The following EIF3F variants were observed in gnomAD, a reference collection of about 807,000 sequenced individuals.
EIF3F encodes the protein eukaryotic translation initiation factor 3 subunit F.
Under a neutral mutation model 36.0 loss-of-function variants are expected in EIF3F, and 8 were observed. The ratio of observed to expected loss-of-function variants is 0.22; its 90% CI spans 0.13 to 0.40. The LOEUF (loss-of-function observed/expected upper bound fraction) is 0.40. EIF3F is among the 10% of genes least tolerant of loss of function. The probability of loss-of-function intolerance (pLI) is 1.00; values close to 1 mark genes in which losing one functional copy is unlikely to be tolerated. For synonymous variants in EIF3F, 184 were observed against 188.5 expected (o/e 0.98, Z 0.19); for missense variants, 430 against 467.6 (o/e 0.92, Z 0.74).
At position 7,992,183 on chromosome 11, in the gene EIF3F, G is replaced by A. The variant is rs377659463; in HGVS notation, c.515+20G>A. On this transcript the variant is annotated intron_variant, in intron 3 of 7. Transcript: ENST00000651655. ...GGGCTGGTAAGTTGGGGAGGTGGGGGCTGGGGTTAATGGAAGGTCTCTTCG... is the reference window on the plus strand; with the variant it reads ...GGGCTGGTAAGTTGGGGAGGTGGGGACTGGGGTTAATGGAAGGTCTCTTCG... The A allele has an allele frequency of 1.9e-6, 3 of 1,599,488 alleles. No individual in the cohort carries two copies. The highest frequency in any genetic ancestry group is 2.6e-6 in the Non-Finnish European group (3 of 1,172,176).
At chr11:7,987,755 C>T (rs1193444945) in intron 1 of EIF3F, 39 bp downstream of exon 1, 1 of 1,456,828 alleles carries the variant, frequency 6.9e-7, no homozygotes, top group South Asian at 1.5e-5. Flanking sequence ...TTTCTTCCTC[C>T]CACTTCTCAT....
Position 8,000,847 on chromosome 11 carries a change from G to A in EIF3F, c.*4825G>A, listed in dbSNP as rs572330544. On this transcript the variant is annotated 3_prime_UTR_variant, in exon 8 of 8. Transcript: ENST00000651655. ...CCATAAATATGAGGGAAAAAACACA[G>A]CAATGTGTTTTTAATGATTTATGAG... 1 of 152,192 alleles carries A rather than the reference G, an allele frequency of 6.6e-6. No homozygotes were observed. Among genetic ancestry groups the A allele is most frequent in the Admixed American group, 6.5e-5 (1 of 15,284 alleles). 9.4% of individuals were successfully genotyped at this position (152,192 alleles called of 1,614,324 possible).
Position 8,000,710 on chromosome 11 carries a change from T to C in EIF3F, c.*4688T>C, listed in dbSNP as rs2133678827. 6.6e-6 allele frequency: 1 copy of C among 152,274 alleles called. No individual in the cohort carries two copies. The highest frequency in any genetic ancestry group is 3.4e-3 in the Middle Eastern group (1 of 294). The allele number at this position is 152,274 out of a possible 1,614,324, so 9.4% of individuals were successfully genotyped here. A position where few individuals can be genotyped will look rare whatever the true frequency, so the allele number is the denominator to read the frequency against. ...AGTTGTGTTTTCAAGCAAGTAAAGA[T>C]AGATTACTTAAGAGCGAATGAGTGG... is the stretch of plus-strand genomic sequence containing the variant. On this transcript the variant is annotated 3_prime_UTR_variant, in exon 8 of 8. Coordinates refer to ENST00000651655, the MANE Select transcript of EIF3F (RefSeq NM_003754.3).
intron 1 of EIF3F, among the ~76,000 whole-genome samples, chr11:7,991,473 A>C (rs1942094582): frequency 6.6e-6 from 1 of 152,112 alleles, no homozygotes; most frequent in African/African-American, 2.4e-5. Flanking sequence ...TAGAGGCTGA[A>C]AAAAAAGGCC....
chr11:7,995,865 A>G (rs1037492874), intron 7 of EIF3F, 80 bp from the exon 8 acceptor site: 4 of 1,115,258 alleles, frequency 3.6e-6, no homozygotes, highest in African/African-American at 1.5e-5. Flanking sequence ...CCCAGTGTCT[A>G]CCATAGAGCT....
intron 1 of EIF3F, among the ~76,000 whole-genome samples, chr11:7,989,494 C>G (rs561480576): frequency 5.4e-4 from 82 of 152,114 alleles, no homozygotes; most frequent in Non-Finnish European, 1.1e-3. Flanking sequence ...AACTTATTTC[C>G]TTAGATATAC....
chr11:7,992,849 A>G (rs1942113230), intron 3 of EIF3F, 38 bp from the exon 4 acceptor site: 1 of 1,613,042 alleles, frequency 6.2e-7, no homozygotes, highest in Non-Finnish European at 8.5e-7. Flanking sequence ...TTGACGCCAC[A>G]TATAGACAGG....
rs1466159715 is a variant in EIF3F at position 7,987,653 on chromosome 11, T to A, written c.301T>A (p.Ser101Thr). Residue 101 changes from serine (S) to threonine (T), a missense_variant, in exon 1 of 8, where the codon TCC becomes ACC. Transcript: ENST00000651655. The part of the protein sequence containing the change: ...VVRLHPVILA[S>T]IVDSYERRNE... The stretch of plus-strand genomic sequence containing the variant: ...CAGGCTGCACCCAGTCATTTTGGCC[T>A]CCATTGTGGACAGCTACGAGAGACG... 2 of 1,548,388 alleles carry A rather than the reference T, an allele frequency of 1.3e-6. No homozygotes were observed. Among genetic ancestry groups the A allele is most frequent in the Non-Finnish European group, 1.7e-6 (2 of 1,148,356 alleles).
intron 1 of EIF3F, 141 bp from the exon 2 acceptor site, chr11:7,991,640 C>T (rs551015631): frequency 6.2e-6 from 5 of 800,252 alleles, no homozygotes; most frequent in Non-Finnish European, 8.7e-6. Flanking sequence ...CCCATCGATG[C>T]ACCGGACTAA....
Position 7,994,480 on chromosome 11 carries a change from A to G in EIF3F, c.708A>G (p.Thr236=). ...TGGGAGTGATGTTCACGCCTCTGAC[A>G]GTGAAATACGCGTACTACGACACTG... ...RTMGVMFTPL[T]VKYAYYDTER... Residue 236 remains threonine, a synonymous_variant, in exon 5 of 8, where the codon ACA becomes ACG. Coordinates refer to ENST00000651655, the MANE Select transcript of EIF3F (RefSeq NM_003754.3). 1.2e-6 allele frequency: 2 copies of G among 1,614,098 alleles called. No homozygotes were observed. Among genetic ancestry groups the G allele is most frequent in the Non-Finnish European group, 1.7e-6 (2 of 1,180,000 alleles).
At position 7,993,008 on chromosome 11, in the gene EIF3F, A is replaced by C. The variant is rs756387297; in HGVS notation, c.637A>C (p.Ile213Leu). 2 of 1,602,534 alleles carry C rather than the reference A, an allele frequency of 1.2e-6. No homozygotes were observed. Among genetic ancestry groups the C allele is most frequent in the Non-Finnish European group, 1.7e-6 (2 of 1,174,028 alleles). Residue 213 changes from isoleucine (I) to leucine (L), a missense_variant, in exon 4 of 8, where the codon ATC becomes CTC. By Grantham distance (5) the Ile-to-Leu change is conservative. Around this residue, in one of 2 missense-constraint regions of EIF3F, gnomAD observed 262 missense variants for 347.4 expected, o/e 0.75. Coordinates refer to ENST00000651655, the MANE Select transcript of EIF3F (RefSeq NM_003754.3). ...DTSLQNGRMS[I>L]KAYVSTLMGV... ...AAGTCTCCAGAACGGCCGCATGAGC[A>C]TCAAAGCCTACGTCAGGTGACCACA...
intron 1 of EIF3F, 45 bp downstream of exon 1, chr11:7,987,761 C>T: frequency 2.8e-6 from 4 of 1,444,706 alleles, no homozygotes; most frequent in Non-Finnish European, 9.1e-7. Context: ...CCTCCCACTT[C>T]TCATTTATCT....
In EIF3F at chr11:7,995,374, G is replaced by C. The variant is rs932943802; in HGVS notation, c.996+7G>C. The stretch of plus-strand genomic sequence containing the variant: ...GCTCAACAGCAACATCAATGTGAGT[G>C]CCCTTCCTGAGCCCCTTCTTGCCTG... On this transcript the variant is annotated splice_region_variant and intron_variant, in intron 7 of 7. Transcript: ENST00000651655. 1 of 1,607,618 alleles carries C rather than the reference G, an allele frequency of 6.2e-7. No individual in the cohort carries two copies.
chr11:7,990,647 T>C (rs565832235), intron 1 of EIF3F, among the ~76,000 whole-genome samples: 10 of 152,176 alleles, frequency 6.6e-5, no homozygotes, highest in African/African-American at 2.4e-4. Context: ...TCAAATAAGA[T>C]AAAGGATATA....
chr11:7,995,133 A>T lies in EIF3F; in HGVS notation c.882+15A>T, dbSNP rs774373608. The T allele has an allele frequency of 5.5e-5, 89 of 1,612,886 alleles. No homozygotes were observed. The highest frequency in any genetic ancestry group is 7.2e-5 in the Non-Finnish European group (85 of 1,179,222). ...AGGATGTACTGGTGAGAGGGGAAAG[A>T]AAAAACAAAGGGGGAGGACATAGTT... On this transcript the variant is annotated intron_variant, in intron 6 of 7. Transcript: ENST00000651655.
intron 3 of EIF3F, chr11:7,992,680 A>T: frequency 1.5e-6 from 1 of 647,328 alleles, no homozygotes; most frequent in Non-Finnish European, 2.7e-6. Context: ...ATTACCTTGT[A>T]AGTGACTTGG....
chr11:7,987,390 C>A lies in EIF3F; in HGVS notation c.38C>A (p.Ala13Asp). 6.3e-7 allele frequency: 1 copy of A among 1,599,310 alleles called. No homozygotes were observed. The highest frequency in any genetic ancestry group is 8.5e-7 in the Non-Finnish European group (1 of 1,179,036). ...GCGGTACCAGTAAGTGCTCCTCCGG[C>A]CACGCCAACCCCAGTCCCGGCGGCG... ...TPAVPVSAPP[A>D]TPTPVPAAAP... The change falls in exon 1 of 8, where the codon GCC becomes GAC. Residue 13 changes from alanine to aspartate, a missense_variant. Ala to Asp is a moderately radical substitution (Grantham distance 126). Around this residue, in one of 2 missense-constraint regions of EIF3F, gnomAD observed 168 missense variants for 120.2 expected, o/e 1.40. Coordinates refer to ENST00000651655, the MANE Select transcript of EIF3F (RefSeq NM_003754.3).
intron 3 of EIF3F, 69 bp downstream of exon 3, chr11:7,992,232 T>C (rs768651293): frequency 7.5e-7 from 1 of 1,330,630 alleles, no homozygotes; most frequent in Non-Finnish European, 1.1e-6. Flanking sequence ...CTTTTGCTAC[T>C]GGACTGGATC....
At chr11:7,987,865 C>T (rs914192609) in intron 1 of EIF3F, 149 bp downstream of exon 1, 4 of 1,211,574 alleles carry the variant, frequency 3.3e-6, no homozygotes, top group East Asian at 3.1e-5. Flanking sequence ...TGCATCCTAC[C>T]TTTTGCTGTG....
Sources: allele counts gnomAD v4.1 joint callset (sites outside exome capture counted in the v4.1 genomes callset), GRCh38; gene constraint gnomAD v4.1.1; regional missense constraint gnomAD v4.1.1; transcripts MANE v1.5; gene names NCBI Gene and HGNC (gene_info 2026-07-23, HGNC 2026-07-21).